The following PIK3CD variants were observed in gnomAD, a reference collection of about 807,000 sequenced individuals.
PIK3CD encodes phosphatidylinositol 4,5-bisphosphate 3-kinase catalytic subunit delta isoform.
Under a neutral mutation model 122.9 loss-of-function variants are expected in PIK3CD, and 20 were observed. The observed-to-expected ratio is 0.16, with a 90% CI of 0.11 to 0.24. The LOEUF (loss-of-function observed/expected upper bound fraction) is 0.24, where lower values mean the gene tolerates loss of function less well. Ranked by LOEUF, PIK3CD falls within the 10% of genes least tolerant of loss-of-function variation. The pLI, the probability that PIK3CD is intolerant of heterozygous loss-of-function variation, is 1.00. For synonymous variants in PIK3CD, 596 were observed against 593.4 expected, an observed-to-expected ratio of 1.00 and a Z score of -0.06; for missense variants, 787 against 1,406.3, an observed-to-expected ratio of 0.56 and a Z score of 7.04.
chr1:9,692,466 C>G (rs1156344548), intron 2 of PIK3CD, among the ~76,000 whole-genome samples: 1 of 152,172 alleles, frequency 6.6e-6, no homozygotes, highest in Non-Finnish European at 1.5e-5. Context: ...GTGGCTCATG[C>G]CTGTAATCCT....
intron 2 of PIK3CD, among the ~76,000 whole-genome samples, chr1:9,707,196 A>C (rs2100724213): frequency 6.6e-6 from 1 of 152,080 alleles, no homozygotes; most frequent in East Asian, 1.9e-4. Context: ...GGCAACACTC[A>C]GCACTCTCCG....
intron 23 of PIK3CD, among the ~76,000 whole-genome samples, chr1:9,725,804 G>A (rs1052953992): frequency 2.0e-5 from 3 of 152,056 alleles, no homozygotes; most frequent in African/African-American, 7.2e-5. Flanking sequence ...TTGAACCTGG[G>A]AGGCAGAAGT....
Position 9,720,872 on chromosome 1 carries a change from T to C in PIK3CD, c.1652T>C (p.Leu551Pro). 1.9e-6 allele frequency: 3 copies of C among 1,606,552 alleles called. No homozygotes were observed. The highest frequency in any genetic ancestry group is 2.2e-5 in the South Asian group (2 of 89,904). Residue 551 changes from leucine (L) to proline (P), a missense_variant, in exon 13 of 24, where the codon CTG (leucine) becomes CCG (proline). Coordinates refer to ENST00000377346, the MANE Select transcript of PIK3CD (RefSeq NM_005026.5). The surrounding 1 kb of genome is among the most constrained non-coding windows in gnomAD (Gnocchi z 9.0). ...CCGGAGGCGCTAGCCCGGCTGCTGC[T>C]GGTCACCAAGTGGAACAAGCATGAG... ...HFPEALARLLLVTKWNKHEDV... is the reference protein window; with the variant it reads ...HFPEALARLLPVTKWNKHEDV...
intron 2 of PIK3CD, among the ~76,000 whole-genome samples, chr1:9,692,910 C>T (rs1420411784): frequency 6.6e-6 from 1 of 152,128 alleles, no homozygotes; most frequent in African/African-American, 2.4e-5. Context: ...CTCCCCTGCA[C>T]ATAAGCAAAA....
In PIK3CD at chr1:9,729,047, T is replaced by C. The variant is rs1336549119; in HGVS notation, c.*2001T>C. 1.3e-5 allele frequency: 2 copies of C among 152,226 alleles called. No homozygotes were observed. Among genetic ancestry groups the C allele is most frequent in the Non-Finnish European group, 2.9e-5 (2 of 68,042 alleles). The allele number at this position is 152,226 out of a possible 1,614,324, so 9.4% of individuals were successfully genotyped here. A position where few individuals can be genotyped will look rare whatever the true frequency, so the allele number is the denominator to read the frequency against. ...GGAGTTAGTTAGAACCAGAACTTTA[T>C]TGTAGCGGATACACTTTCTGACCTA... On this transcript the variant is annotated 3_prime_UTR_variant, in exon 24 of 24. Coordinates refer to ENST00000377346, the MANE Select transcript of PIK3CD (RefSeq NM_005026.5).
Position 9,720,340 on chromosome 1 carries a change from G to A in PIK3CD, c.1470+98G>A, listed in dbSNP as rs894558555. ...TCAGAGGGTGCTCCCTGGCCACGTC[G>A]GGGCTGGGCTACCAGGCATATCTGG... On this transcript the variant is annotated intron_variant, in intron 11 of 23. Coordinates refer to ENST00000377346, the MANE Select transcript of PIK3CD (RefSeq NM_005026.5). This position sits in a 1 kb window ranked among gnomAD's most constrained non-coding sequence, Gnocchi z 9.0. 2.8e-5 allele frequency: 41 copies of A among 1,455,978 alleles called. No individual in the cohort carries two copies. The highest frequency in any genetic ancestry group is 4.5e-5 in the Admixed American group (2 of 44,082). 90.2% of individuals were successfully genotyped at this position (1,455,978 alleles called of 1,614,324 possible).
rs1248747548 is a variant in PIK3CD, at chr1:9,678,716, A to C, written c.-137-12751A>C. On this transcript the variant is annotated intron_variant, in intron 1 of 23. Coordinates refer to ENST00000377346, the MANE Select transcript of PIK3CD (RefSeq NM_005026.5). ...GGGCAAATCATTCTGACCCTGTGAC[A>C]CCTCTGTAAGACACACTTGCCAGCA... 5.2e-4 allele frequency among the ~76,000 whole-genome samples: 79 copies of C among 152,282 alleles called. 1 individual carries two copies. Among genetic ancestry groups the C allele is most frequent in the Non-Finnish European group, 2.9e-5 (2 of 68,016 alleles).
rs557604159 is a variant in PIK3CD at position 9,698,078 on chromosome 1, C to T, written c.-33+6507C>T. On this transcript the variant is annotated intron_variant, in intron 2 of 23. Transcript: ENST00000377346. ...GAAAGAAAACCACGTACTTGTATAA[C>T]TTTCCTAGAAATTAAAATAATAAAG... Among the ~76,000 whole-genome samples the T allele has an allele frequency of 4.6e-5, 7 of 152,232 alleles. No homozygotes were observed. In the South Asian group the frequency reaches 1.4e-3, roughly 32 times the overall value.
chr1:9,643,292 C>T, the PIK3CD span, among the ~76,000 whole-genome samples: 1 of 151,834 alleles, frequency 6.6e-6, no homozygotes, highest in South Asian at 2.1e-4. Flanking sequence ...TGACACCACA[C>T]CCAGCTACTC....
chr1:9,658,498 G>A (rs898683768), intron 1 of PIK3CD, among the ~76,000 whole-genome samples: 1 of 148,600 alleles, frequency 6.7e-6, no homozygotes, highest in Non-Finnish European at 1.5e-5. Flanking sequence ...GGAGTCAGCT[G>A]AACTGGGTTT....
At position 9,722,879 on chromosome 1, in the gene PIK3CD, G is replaced by A. The variant is rs562710264; in HGVS notation, c.2427-246G>A. Among the ~76,000 whole-genome samples the A allele has an allele frequency of 3.0e-4, 46 of 152,280 alleles. No individual in the cohort carries two copies. The highest frequency in any genetic ancestry group is 5.8e-4 in the East Asian group (3 of 5,170). ...CCAGCCCATCTTGGGAAGCAGTGGC[G>A]TCTTCTCCCAAGGCCTCTGTCTGGT... is the stretch of plus-strand genomic sequence containing the variant. On this transcript the variant is annotated intron_variant, in intron 19 of 23. Coordinates refer to ENST00000377346, the MANE Select transcript of PIK3CD (RefSeq NM_005026.5). The surrounding 1 kb of genome is among the most constrained non-coding windows in gnomAD (Gnocchi z 7.6).
At chr1:9,684,842 T>C (rs1645904386) in intron 1 of PIK3CD, among the ~76,000 whole-genome samples, 1 of 103,564 alleles carries the variant, frequency 9.7e-6, no homozygotes, top group Non-Finnish European at 1.9e-5. Flanking sequence ...TGAGACCCTG[T>C]CTCAAAAAAA....
chr1:9,726,336 G>A (rs552411357), intron 23 of PIK3CD, among the ~76,000 whole-genome samples: 24 of 151,642 alleles, frequency 1.6e-4, no homozygotes, highest in East Asian at 3.9e-4. Flanking sequence ...GTGAAACCCC[G>A]TCTCTACTAA....
chr1:9,682,394 A>G (rs9430641), intron 1 of PIK3CD, among the ~76,000 whole-genome samples: 82,664 of 151,618 alleles, frequency 0.55, 23,048 homozygotes, highest in African/African-American at 0.68. Context: ...ATGCCACTAC[A>G]CTTGGCTAAT....
chr1:9,717,092 C>A lies in PIK3CD; in HGVS notation c.914C>A (p.Pro305His). Reference sequence around the variant, plus strand: ...CAGAAACCGCGTGCCAAACCACCTCCCATTCCTGCGAAGAAGGTGAGATGG... The same window carrying A: ...CAGAAACCGCGTGCCAAACCACCTCACATTCCTGCGAAGAAGGTGAGATGG... ...QVQKPRAKPP[P>H]IPAKKPSSVS... The change falls in exon 7 of 24, where the codon CCC becomes CAC. Residue 305 changes from proline to histidine, a missense_variant. By Grantham distance (77) the Pro-to-His change is moderately conservative. This residue lies in a region of PIK3CD where 592 missense variants were observed against 920.6 expected (regional missense o/e 0.64). Coordinates refer to ENST00000377346, the MANE Select transcript of PIK3CD (RefSeq NM_005026.5). This position sits in a 1 kb window ranked among gnomAD's most constrained non-coding sequence, Gnocchi z 5.4. The A allele has an allele frequency of 6.2e-7, 1 of 1,613,984 alleles. No homozygotes were observed. The highest frequency in any genetic ancestry group is 8.5e-7 in the Non-Finnish European group (1 of 1,180,028).
chr1:9,645,025 CTTTTTTTT>C, the PIK3CD span, among the ~76,000 whole-genome samples: 25 of 81,806 alleles, frequency 3.1e-4, no homozygotes, highest in Non-Finnish European at 4.4e-4. Flanking sequence ...CTTTTCTTTT[CTTTTTTTT>C]TTTTTTTTTT....
At chr1:9,630,536 C>A in the PIK3CD span, among the ~76,000 whole-genome samples, 1 of 152,202 alleles carries the variant, frequency 6.6e-6, no homozygotes, top group South Asian at 2.1e-4. Context: ...ATGTAGAGTC[C>A]CTGCTCCCAG....
At chr1:9,640,882 T>G in the PIK3CD span, among the ~76,000 whole-genome samples, 1 of 152,156 alleles carries the variant, frequency 6.6e-6, no homozygotes, top group Non-Finnish European at 1.5e-5. Flanking sequence ...ATGCCACCAC[T>G]GCCCAGGGCC....
the PIK3CD span, among the ~76,000 whole-genome samples, chr1:9,628,088 A>G: frequency 6.6e-6 from 1 of 152,148 alleles, no homozygotes; most frequent in African/African-American, 2.4e-5. Context: ...GGATCACCTG[A>G]GGTCACCAGT....
Sources: allele counts gnomAD v4.1 joint callset (sites outside exome capture counted in the v4.1 genomes callset), GRCh38; gene constraint gnomAD v4.1.1; regional missense constraint gnomAD v4.1.1; non-coding constraint Gnocchi (gnomAD v3.1); transcripts MANE v1.5; gene names NCBI Gene and HGNC (gene_info 2026-07-23, HGNC 2026-07-21).